The following IRF1 variants were observed in gnomAD, a reference collection of about 807,000 sequenced individuals.
The protein encoded by IRF1 is interferon regulatory factor-1.
IRF1 carries 13 observed loss-of-function variants against 43.7 expected under a neutral mutation model. The ratio of observed to expected loss-of-function variants is 0.30; its 90% CI spans 0.19 to 0.47. The LOEUF is 0.47. IRF1 is among the 20% of genes least tolerant of loss of function. The pLI is 0.99. For synonymous variants in IRF1, 138 were observed against 146.8 expected, an observed-to-expected ratio of 0.94 and a Z score of 0.43; for missense variants, 236 against 408.9, an observed-to-expected ratio of 0.58 and a Z score of 3.65.
At chr5:132,488,853 C>A in intron 2 of IRF1, 1 of 156,268 alleles carries the variant, frequency 6.4e-6, no homozygotes, top group Non-Finnish European at 1.4e-5. Flanking sequence ...TTAGCAGGTG[C>A]CAGGCACACA....
intron 7 of IRF1, 144 bp downstream of exon 7, chr5:132,486,107 T>C (rs1048091520): frequency 3.5e-6 from 4 of 1,135,128 alleles, no homozygotes; most frequent in African/African-American, 3.1e-5. Flanking sequence ...GTCGCTTGCC[T>C]CCCCCTATGG....
intron 2 of IRF1, 120 bp downstream of exon 2, chr5:132,489,272 G>A: frequency 1.3e-6 from 1 of 779,270 alleles, no homozygotes; most frequent in South Asian, 1.5e-5. Context: ...AGGACCCACT[G>A]GGAGAAACAC....
chr5:132,485,304 C>T (rs769305927), intron 8 of IRF1: 7 of 225,766 alleles, frequency 3.1e-5, no homozygotes, highest in African/African-American at 1.1e-4. Context: ...ATCATATTAA[C>T]GGATCCTAAA....
rs1471120519 is a variant in IRF1, at chr5:132,483,808, AG to A, written c.*142del. 8.7e-6 allele frequency: 9 copies of A among 1,031,814 alleles called. No homozygotes were observed. In the African/African-American group the frequency reaches 1.1e-4, roughly 13 times the overall value. 63.9% of individuals were successfully genotyped at this position (1,031,814 alleles called of 1,614,324 possible). A position where few individuals can be genotyped will look rare whatever the true frequency, so the allele number is the denominator to read the frequency against. On this transcript the variant is annotated 3_prime_UTR_variant, in exon 10 of 10. Transcript: ENST00000245414. ...CAGGCCCTGAGAGGTCAATGACCCA[AG>A]GAGGGAGGCCCCATCCCCACTTGGC...
At chr5:132,488,717 C>T (rs1374628183) in intron 2 of IRF1, 1 of 153,048 alleles carries the variant, frequency 6.5e-6, no homozygotes, top group Non-Finnish European at 1.5e-5. Context: ...GGCTTCATCA[C>T]TTTTTGTGTG....
In IRF1 at chr5:132,486,835, G is replaced by T; in HGVS notation, c.374C>A (p.Ser125Ter). The T allele has an allele frequency of 6.2e-7, 1 of 1,614,118 alleles. No homozygotes were observed. The highest frequency in any genetic ancestry group is 1.1e-5 in the South Asian group (1 of 91,046). The change falls in exon 5 of 10, where the codon TCG becomes TAG. Residue 125 changes from serine (S) to a stop codon, truncating the protein, a stop_gained. Coordinates refer to ENST00000245414, the MANE Select transcript of IRF1 (RefSeq NM_002198.3). LOFTEE classifies it high-confidence loss of function. ...LTKNQRKERKSKSSRDAKSKA... is the reference protein window; with the variant it reads ...LTKNQRKERK ...GCTCTTAGCATCTCGGCTGGACTTC[G>T]ACTTTCTTTCTGTGGGGCAGACGGG...
At chr5:132,489,730 G>C (rs1754651282) in intron 1 of IRF1, 1 of 433,018 alleles carries the variant, frequency 2.3e-6, no homozygotes, top group Non-Finnish European at 4.3e-6. Context: ...AGACAGGCAT[G>C]CAAGTGATGG....
At chr5:132,489,315 C>G (rs1754636987) in intron 2 of IRF1, 77 bp downstream of exon 2, 2 of 1,096,934 alleles carry the variant, frequency 1.8e-6, no homozygotes, top group Non-Finnish European at 2.8e-6. Context: ...CCTTTTTGAG[C>G]TGCATCTGAA....
chr5:132,488,449 G>A (rs1011733036), intron 2 of IRF1: 4 of 165,566 alleles, frequency 2.4e-5, no homozygotes, highest in African/African-American at 9.5e-5. Flanking sequence ...GGGGGTCCTG[G>A]TCATACCACT....
intron 1 of IRF1, 88 bp from the exon 2 acceptor site, chr5:132,489,571 C>T (rs781217260): frequency 1.1e-6 from 1 of 923,592 alleles, no homozygotes; most frequent in Non-Finnish European, 1.8e-6. Context: ...ACTTAGTTAC[C>T]CTCCCCTCAC....
chr5:132,486,238 C>T lies in IRF1; in HGVS notation c.667+13G>A, dbSNP rs1462714881. Reference sequence around the variant, plus strand: ...ACAGTCAAGCAGGCAGGCCAGGCCCCAGGAGCACCAACCTTCAGAGGTGGA... The same window carrying T: ...ACAGTCAAGCAGGCAGGCCAGGCCCTAGGAGCACCAACCTTCAGAGGTGGA... On this transcript the variant is annotated intron_variant, in intron 7 of 9. Coordinates refer to ENST00000245414, the MANE Select transcript of IRF1 (RefSeq NM_002198.3). The T allele has an allele frequency of 6.2e-7, 1 of 1,612,700 alleles. No individual in the cohort carries two copies. Among genetic ancestry groups the T allele is most frequent in the Admixed American group, 1.7e-5 (1 of 60,008 alleles).
chr5:132,489,539 GT>G, intron 1 of IRF1, 56 bp from the exon 2 acceptor site: 3 of 1,432,948 alleles, frequency 2.1e-6, no homozygotes, highest in Non-Finnish European at 2.9e-6. Context: ...TACCTGGGCA[GT>G]GACCTGCCCC....
chr5:132,484,865 TCCATGTCTCA>T (rs1163380045), intron 8 of IRF1: 1 of 175,040 alleles, frequency 5.7e-6, no homozygotes, highest in Non-Finnish European at 1.2e-5. Context: ...AGGAACGACA[TCCATGTCTCA>T]ATTTTTTGGG....
At chr5:132,489,589 A>G (rs1754645599) in intron 1 of IRF1, 106 bp from the exon 2 acceptor site, 13 of 802,244 alleles carry the variant, frequency 1.6e-5, no homozygotes, top group Non-Finnish European at 2.6e-5. Context: ...CACCTCAGCC[A>G]GCTGCTAGGT....
intron 7 of IRF1, 149 bp downstream of exon 7, chr5:132,486,102 T>C: frequency 9.2e-7 from 1 of 1,090,952 alleles, no homozygotes; most frequent in South Asian, 1.4e-5. Flanking sequence ...TCCCCGTCGC[T>C]TGCCTCCCCC....
intron 1 of IRF1, chr5:132,489,879 T>A (rs542213279): frequency 1.5e-4 from 31 of 204,044 alleles, no homozygotes; most frequent in Non-Finnish European, 2.4e-4. Flanking sequence ...TTGACTTGAG[T>A]TGTAACCACT....
intron 6 of IRF1, 43 bp downstream of exon 6, chr5:132,486,514 C>CCACTG: frequency 6.2e-7 from 1 of 1,613,366 alleles, no homozygotes; most frequent in Non-Finnish European, 8.5e-7. Context: ...AAGAGTCATC[C>CCACTG]CACTGACCTG....
intron 8 of IRF1, chr5:132,484,927 T>C (rs1271331072): frequency 6.3e-6 from 1 of 158,730 alleles, no homozygotes; most frequent in Non-Finnish European, 1.4e-5. Flanking sequence ...AAAACTTTTT[T>C]TTGAAATGGA....
At chr5:132,488,747 AG>A (rs1754613319) in intron 2 of IRF1, 2 of 153,310 alleles carry the variant, frequency 1.3e-5, no homozygotes, top group Non-Finnish European at 2.9e-5. Context: ...TCTACCTCTC[AG>A]TGCCTCTGTT....
Sources: allele counts gnomAD v4.1 joint callset, GRCh38; gene constraint gnomAD v4.1.1; transcripts MANE v1.5; gene names NCBI Gene and HGNC (gene_info 2026-07-23, HGNC 2026-07-21).